The following GP2 variants were observed in gnomAD, a reference collection of about 807,000 sequenced individuals.
GP2 encodes the protein glycoprotein 2, also known as pancreatic secretory granule membrane major glycoprotein GP2.
Under a neutral mutation model 60.8 loss-of-function variants are expected in GP2, and 58 were observed. That is an observed-to-expected ratio of 0.95 (90% CI 0.77 to 1.19). GP2 has a LOEUF of 1.19. Ranked by LOEUF, GP2 falls within the 50% of genes most tolerant of loss-of-function variation. The pLI is 0.00. For synonymous variants in GP2, 280 were observed against 253.4 expected (o/e 1.10, Z -1.00); for missense variants, 647 against 667.4 (o/e 0.97, Z 0.34).
Position 20,310,136 on chromosome 16 carries a change from G to A in GP2, c.*1087C>T, listed in dbSNP as rs1325720959. 6.6e-6 allele frequency: 1 copy of A among 152,222 alleles called. No homozygotes were observed. The highest frequency in any genetic ancestry group is 2.4e-5 in the African/African-American group (1 of 41,460). The allele number at this position is 152,222 out of a possible 1,614,324, so 9.4% of individuals were successfully genotyped here. ...AGTACTCATTAAAGGTCTCCAGAAAGGGACTTCACCCATCTCCTAGGCTTT... is the reference window on the plus strand; with the variant it reads ...AGTACTCATTAAAGGTCTCCAGAAAAGGACTTCACCCATCTCCTAGGCTTT... On this transcript the variant is annotated 3_prime_UTR_variant, in exon 11 of 11. Transcript: ENST00000302555.
intron 8 of GP2, 49 bp from the exon 9 acceptor site, chr16:20,316,089 T>C: frequency 8.2e-7 from 1 of 1,218,388 alleles, no homozygotes; most frequent in Non-Finnish European, 1.2e-6. Context: ...ATGCCTGGAT[T>C]CTATCTAGAC....
chr16:20,325,311 C>G (rs1265667368), intron 2 of GP2, among the ~76,000 whole-genome samples: 2 of 152,120 alleles, frequency 1.3e-5, no homozygotes, highest in Non-Finnish European at 2.9e-5. Flanking sequence ...TTTGCCTGTC[C>G]TATTATTGAC....
At chr16:20,313,655 T>C (rs563030688) in intron 10 of GP2, among the ~76,000 whole-genome samples, 1 of 152,344 alleles carries the variant, frequency 6.6e-6, no homozygotes, top group South Asian at 2.1e-4. Context: ...CCATCAAACA[T>C]TGGTTAGGCA....
chr16:20,320,510 G>A (rs780501662), intron 4 of GP2, 37 bp from the exon 5 acceptor site: 2 of 1,387,424 alleles, frequency 1.4e-6, no homozygotes, highest in East Asian at 2.3e-5. Context: ...GAATGGACAT[G>A]AGTCTGGAAG....
rs755616987 is a variant in GP2, at chr16:20,322,991, G to A, written c.536-12C>T. On this transcript the variant is annotated splice_polypyrimidine_tract_variant and intron_variant, in intron 3 of 10. Transcript: ENST00000302555. Reference sequence around the variant, plus strand: ...CACAGTGGATGGGTCTAGGTGATGGGGCATGGAGAGAGAAGATCAGGATGC... The same window carrying A: ...CACAGTGGATGGGTCTAGGTGATGGAGCATGGAGAGAGAAGATCAGGATGC... The A allele has an allele frequency of 6.8e-7, 1 of 1,473,964 alleles. No homozygotes were observed. The highest frequency in any genetic ancestry group is 1.7e-5 in the Admixed American group (1 of 59,740). The allele number at this position is 1,473,964 out of a possible 1,614,324, so 91.3% of individuals were successfully genotyped here.
intron 10 of GP2, 46 bp from the exon 11 acceptor site, chr16:20,311,327 C>G: frequency 8.6e-7 from 1 of 1,165,284 alleles, no homozygotes; most frequent in Non-Finnish European, 1.3e-6. Flanking sequence ...CTTTGGGAGT[C>G]AGGAGCAAAC....
In GP2 at chr16:20,318,401, C is replaced by G; in HGVS notation, c.1037G>C (p.Gly346Ala). The change falls in exon 7 of 11, where the codon GGA becomes GCA. Residue 346 changes from glycine (G) to alanine (A), a missense_variant. Gly to Ala is a moderately conservative substitution (Grantham distance 60). Transcript: ENST00000302555. ...GAGGGCCATCCTGACAATGAACTCT[C>G]CATTCCCGTCCACACTGACGTTCAG... ...SSLNVSVDGNGEFIVRMALFQ... is the reference protein window; with the variant it reads ...SSLNVSVDGNAEFIVRMALFQ... 6.2e-7 allele frequency: 1 copy of G among 1,613,450 alleles called. No homozygotes were observed. The highest frequency in any genetic ancestry group is 8.5e-7 in the Non-Finnish European group (1 of 1,179,350).
In GP2 at chr16:20,310,843, A is replaced by G; in HGVS notation, c.*380T>C. On this transcript the variant is annotated 3_prime_UTR_variant, in exon 11 of 11. Coordinates refer to ENST00000302555, the MANE Select transcript of GP2 (RefSeq NM_001502.4). ...ACAATCTCAACTCACTGCAACCTCC[A>G]CCCCCTGAGTTCGAGCAATTCTCCT... 6.1e-6 allele frequency: 1 copy of G among 163,636 alleles called. No individual in the cohort carries two copies. The highest frequency in any genetic ancestry group is 1.2e-5 in the Non-Finnish European group (1 of 80,464). The allele number at this position is 163,636 out of a possible 1,614,324, so 10.1% of individuals were successfully genotyped here. A position where few individuals can be genotyped will look rare whatever the true frequency, so the allele number is the denominator to read the frequency against.
At chr16:20,313,689 T>G (rs951598238) in intron 10 of GP2, among the ~76,000 whole-genome samples, 2 of 152,230 alleles carry the variant, frequency 1.3e-5, no homozygotes, top group Non-Finnish European at 2.9e-5. Flanking sequence ...GAGTAAAGAT[T>G]ACATTTCCTA....
At position 20,326,412 on chromosome 16, in the gene GP2, C is replaced by T; in HGVS notation, c.20G>A (p.Arg7Lys). 1 of 1,613,306 alleles carries T rather than the reference C, an allele frequency of 6.2e-7. No homozygotes were observed. Among genetic ancestry groups the T allele is most frequent in the Non-Finnish European group, 8.5e-7 (1 of 1,179,226 alleles). Residue 7 changes from arginine to lysine, a missense_variant, in exon 2 of 11, where the codon AGG becomes AAG. Physicochemically the swap from Arg to Lys is conservative, Grantham distance 26. Coordinates refer to ENST00000302555, the MANE Select transcript of GP2 (RefSeq NM_001502.4). Reference protein sequence around the residue: MPHLMERMVGSGLLWLA... With the variant: MPHLMEKMVGSGLLWLA... ...CCACAGGAGGCCAGAGCCCACCATC[C>T]TTTCCATAAGGTGAGGCATGCAGGT...
intron 8 of GP2, among the ~76,000 whole-genome samples, 179 bp downstream of exon 8, chr16:20,317,034 T>TCCTTC (rs1163780364): frequency 6.9e-6 from 1 of 144,186 alleles, no homozygotes; most frequent in African/African-American, 2.6e-5. Context: ...CTTCTGTCCA[T>TCCTTC]CCTTCCCTTC....
At chr16:20,319,022 C>A (rs572147793) in intron 6 of GP2, among the ~76,000 whole-genome samples, 1 of 152,070 alleles carries the variant, frequency 6.6e-6, no homozygotes. Context: ...TCAACAGGGC[C>A]CCATTTCAGC....
Position 20,316,688 on chromosome 16 carries a change from C to T in GP2, c.1416+525G>A, listed in dbSNP as rs1964183937. ...GAATCTAGTAGACAGATTTCTTTAT[C>T]AAATCTGCCTCCTGGGGACACAAAA... is the stretch of plus-strand genomic sequence containing the variant. On this transcript the variant is annotated intron_variant, in intron 8 of 10. Transcript: ENST00000302555. Among the ~76,000 whole-genome samples the T allele has an allele frequency of 2.0e-5, 3 of 152,200 alleles. No homozygotes were observed. The South Asian group carries it at 6.2e-4, about 32-fold the overall frequency.
At chr16:20,322,581 G>T (rs1306019845) in intron 4 of GP2, among the ~76,000 whole-genome samples, 2 of 152,116 alleles carry the variant, frequency 1.3e-5, no homozygotes, top group Non-Finnish European at 2.9e-5. Context: ...TACATTAGCA[G>T]AATTATCATC....
At chr16:20,323,648 ATGTTGGAAGGTCTCAACCCCTG>A in intron 3 of GP2, 146 bp downstream of exon 3, 1 of 610,158 alleles carries the variant, frequency 1.6e-6, no homozygotes, top group Middle Eastern at 2.6e-4. Flanking sequence ...CTGGCTTGAA[ATGTTGGAAGGTCTCAACCCCTG>A]TGTTGAGTTC....
At position 20,324,136 on chromosome 16, in the gene GP2, G is replaced by A; in HGVS notation, c.215C>T (p.Pro72Leu). 1 of 1,614,042 alleles carries A rather than the reference G, an allele frequency of 6.2e-7. No homozygotes were observed. The highest frequency in any genetic ancestry group is 8.5e-7 in the Non-Finnish European group (1 of 1,179,874). Residue 72 changes from proline to leucine, a missense_variant, in exon 3 of 11, where the codon CCC becomes CTC. Pro to Leu is a moderately conservative substitution (Grantham distance 98, BLOSUM62 -3). Coordinates refer to ENST00000302555, the MANE Select transcript of GP2 (RefSeq NM_001502.4). ...TGCTGAGTTCTCTGTGCTTCGGAAGGGTTCATCCAGGAGGGTGTAATTCTG... is the reference window on the plus strand; with the variant it reads ...TGCTGAGTTCTCTGTGCTTCGGAAGAGTTCATCCAGGAGGGTGTAATTCTG... ...PCQNYTLLDE[P>L]FRSTENSAGS...
chr16:20,311,224 C>T lies in GP2; in HGVS notation c.1604G>A (p.Ter535=), dbSNP rs934964017. 4.4e-6 allele frequency: 7 copies of T among 1,606,010 alleles called. No individual in the cohort carries two copies. The highest frequency in any genetic ancestry group is 6.0e-6 in the Non-Finnish European group (7 of 1,172,816). The change falls in exon 11 of 11, where the codon TGA becomes TAA. Residue 535 remains the stop codon, a stop_retained_variant. Transcript: ENST00000302555. The part of the protein sequence containing the change: ...LLTVLLAWLF[*] Reference sequence around the variant, plus strand: ...AAGGCCAGATGCTCAGCGGAGCTCTCAGAACAGCCAAGCCAGGAGGACAGT... The same window carrying T: ...AAGGCCAGATGCTCAGCGGAGCTCTTAGAACAGCCAAGCCAGGAGGACAGT...
intron 9 of GP2, 114 bp downstream of exon 9, chr16:20,315,842 G>C: frequency 1.4e-6 from 1 of 723,772 alleles, no homozygotes; most frequent in Non-Finnish European, 2.6e-6. Context: ...TTCAGTAAGG[G>C]TCAGACTGAG....
In GP2 at chr16:20,311,035, G is replaced by A. The variant is rs1963979601; in HGVS notation, c.*188C>T. The stretch of plus-strand genomic sequence containing the variant: ...GCCTCCCAAAATGCTGGGATTACAG[G>A]CATGAGCCACTGCGCCCAGCCGAGA... On this transcript the variant is annotated 3_prime_UTR_variant, in exon 11 of 11. Coordinates refer to ENST00000302555, the MANE Select transcript of GP2 (RefSeq NM_001502.4). 6 of 481,092 alleles carry A rather than the reference G, an allele frequency of 1.2e-5. No individual in the cohort carries two copies. The highest frequency in any genetic ancestry group is 9.7e-5 in the South Asian group (4 of 41,052). 29.8% of individuals were successfully genotyped at this position (481,092 alleles called of 1,614,324 possible).
Sources: gnomAD v4.1 joint callset for allele counts (sites outside exome capture counted in the v4.1 genomes callset) on GRCh38, gnomAD v4.1.1 for gene constraint, MANE v1.5 for transcripts, NCBI Gene and HGNC (gene_info 2026-07-23, HGNC 2026-07-21) for gene names.